Variants in RASL12 observed in about 807,000 individuals in gnomAD.
The protein encoded by RASL12 is RAS like family 12, also known as ras-like protein family member 12.
A neutral mutation model predicts 22.9 loss-of-function variants in RASL12; 16 were observed. That is an observed-to-expected ratio of 0.70 (90% CI 0.47 to 1.06). RASL12 has a LOEUF of 1.06. Among genes scored for constraint, RASL12 ranks in the 50% least tolerant of loss-of-function variants. RASL12 has a pLI of 0.00. For synonymous variants in RASL12, 159 were observed against 152.2 expected, an observed-to-expected ratio of 1.04 and a Z score of -0.33; for missense variants, 306 against 353.1, an observed-to-expected ratio of 0.87 and a Z score of 1.07.
At chr15:65,047,779 CAGAT>C in the RASL12 span, among the ~76,000 whole-genome samples, 90 of 141,942 alleles carry the variant, frequency 6.3e-4, no homozygotes, top group Non-Finnish European at 1.2e-3. Context: ...GATAGATAGA[CAGAT>C]AGATCGATAG....
chr15:65,070,986 T>G (rs1245116287), upstream of RASL12, among the ~76,000 whole-genome samples: 1 of 152,116 alleles, frequency 6.6e-6, no homozygotes, highest in Non-Finnish European at 1.5e-5. Flanking sequence ...CTCTTCCTCC[T>G]CTAGGTCCAG....
chr15:65,075,875 T>G (rs1325159673), intron 1 of RASL12, among the ~76,000 whole-genome samples: 1 of 152,054 alleles, frequency 6.6e-6, no homozygotes, highest in Non-Finnish European at 1.5e-5. Context: ...CAATCGGCAC[T>G]CTGTATCTAG....
chr15:65,054,178 C>A lies in RASL12; in HGVS notation c.*721G>T. The A allele has an allele frequency of 1.0e-6, 1 of 985,968 alleles. No homozygotes were observed. The highest frequency in any genetic ancestry group is 1.2e-6 in the Non-Finnish European group (1 of 829,994). 61.1% of individuals were successfully genotyped at this position (985,968 alleles called of 1,614,324 possible). On this transcript the variant is annotated 3_prime_UTR_variant, in exon 5 of 5. Transcript: ENST00000220062. ...ATGCTGAGGTTCTTTGGACAGAGTCCTTAACAGTGGGAAAACACATGGAGA... is the reference window on the plus strand; with the variant it reads ...ATGCTGAGGTTCTTTGGACAGAGTCATTAACAGTGGGAAAACACATGGAGA...
chr15:65,056,681 G>A (rs2086736088), intron 4 of RASL12, among the ~76,000 whole-genome samples: 1 of 152,174 alleles, frequency 6.6e-6, no homozygotes, highest in Non-Finnish European at 1.5e-5. Context: ...GGCTTGGGAA[G>A]CATCAACCTA....
downstream of RASL12, chr15:65,050,130 TG>T (rs2140506526): frequency 6.5e-7 from 1 of 1,531,068 alleles, no homozygotes; most frequent in Non-Finnish European, 8.9e-7. Context: ...ACGGCAGGGG[TG>T]GGGGTGTGCC....
intron 2 of RASL12, among the ~76,000 whole-genome samples, chr15:65,062,862 T>G (rs1353526451): frequency 2.6e-5 from 4 of 152,194 alleles, no homozygotes; most frequent in African/African-American, 9.6e-5. Flanking sequence ...CCGGAATGTT[T>G]AGGCCCCTCC....
upstream of RASL12, chr15:65,068,223 G>T (rs949488823): frequency 7.1e-6 from 7 of 990,382 alleles, no homozygotes; most frequent in African/African-American, 1.0e-4. The surrounding 1 kb of genome is among the most constrained non-coding windows in gnomAD (Gnocchi z 4.2). Context: ...CAGAGAAGGA[G>T]CCCCAGGGCT....
chr15:65,054,525 C>T lies in RASL12; in HGVS notation c.*374G>A, dbSNP rs1269156191. The T allele has an allele frequency of 2.9e-6, 3 of 1,029,376 alleles. No individual in the cohort carries two copies. The highest frequency in any genetic ancestry group is 5.2e-5 in the Admixed American group (1 of 19,328). The allele number at this position is 1,029,376 out of a possible 1,614,324, so 63.8% of individuals were successfully genotyped here. On this transcript the variant is annotated 3_prime_UTR_variant, in exon 5 of 5. Coordinates refer to ENST00000220062, the MANE Select transcript of RASL12 (RefSeq NM_016563.4). ...TCGGGCCTGACATTGACAGAGCCAT[C>T]CACCCAGACCATCCACTAAGGCCAC...
At chr15:65,064,073 C>G (rs2086846905) in intron 2 of RASL12, among the ~76,000 whole-genome samples, 1 of 152,162 alleles carries the variant, frequency 6.6e-6, no homozygotes, top group Non-Finnish European at 1.5e-5. Flanking sequence ...TCTCAGTGAA[C>G]AGTTTACAAT....
At chr15:65,052,675 G>A (rs757718013), downstream of RASL12, among the ~76,000 whole-genome samples, 6 of 152,128 alleles carry the variant, frequency 3.9e-5, no homozygotes, top group African/African-American at 7.2e-5. Flanking sequence ...GGGATTACAG[G>A]TGTGAGCCAC....
chr15:65,073,558 T>G (rs904961613), intron 1 of RASL12, among the ~76,000 whole-genome samples: 2 of 152,198 alleles, frequency 1.3e-5, no homozygotes, highest in African/African-American at 4.8e-5. Context: ...TAAATATAGA[T>G]GAAGCTTTGC....
intron 4 of RASL12, among the ~76,000 whole-genome samples, chr15:65,057,540 C>T (rs1379455863): frequency 1.3e-5 from 2 of 152,166 alleles, no homozygotes; most frequent in African/African-American, 4.8e-5. Context: ...GACACTATGC[C>T]AGCCAAGCAA....
rs1185112838 is a variant in RASL12 at position 65,054,954 on chromosome 15, TG to T, written c.745del (p.Gln249ArgfsTer9). On this transcript the variant is annotated frameshift_variant, in exon 5 of 5. Transcript: ENST00000220062. LOFTEE classifies it high-confidence loss of function. ...KLVTVKSSRA[Q>X]SKRKAPTLTL... is the part of the protein sequence containing the mutation. ...CAGGGTAGGCGCCTTGCGCTTGCTCTGGGCCCGGGATGACTTCACGGTGACC... is the reference window on the plus strand; with the variant it reads ...CAGGGTAGGCGCCTTGCGCTTGCTCTGGCCCGGGATGACTTCACGGTGACC... 6.2e-6 allele frequency: 10 copies of T among 1,614,080 alleles called. No homozygotes were observed. The highest frequency in any genetic ancestry group is 8.5e-6 in the Non-Finnish European group (10 of 1,180,032).
chr15:65,058,033 G>A (rs2086754540), intron 4 of RASL12, among the ~76,000 whole-genome samples: 1 of 152,200 alleles, frequency 6.6e-6, no homozygotes, highest in Admixed American at 6.5e-5. Flanking sequence ...CACTTTGGGA[G>A]GCTGAGGCAG....
chr15:65,064,312 A>T (rs1428249818), intron 2 of RASL12, among the ~76,000 whole-genome samples: 1 of 152,192 alleles, frequency 6.6e-6, no homozygotes, highest in Non-Finnish European at 1.5e-5. Context: ...TTTAATGCCC[A>T]TTTTACAGAT....
downstream of RASL12, among the ~76,000 whole-genome samples, chr15:65,052,470 G>A (rs1374356978): frequency 7.0e-6 from 1 of 143,546 alleles, no homozygotes; most frequent in Non-Finnish European, 1.5e-5. Context: ...GCACAATCTC[G>A]GCTCACTGCA....
chr15:65,055,560 G>T (rs1192418761), intron 4 of RASL12, among the ~76,000 whole-genome samples: 3 of 152,208 alleles, frequency 2.0e-5, no homozygotes, highest in Non-Finnish European at 1.5e-5. Flanking sequence ...ATTTTGGGAT[G>T]AGGGTAAGGG....
intron 1 of RASL12, among the ~76,000 whole-genome samples, chr15:65,073,275 T>A (rs2086944035): frequency 6.6e-6 from 1 of 152,184 alleles, no homozygotes; most frequent in Non-Finnish European, 1.5e-5. Flanking sequence ...CTATTATTAT[T>A]ATAACATATA....
intron 2 of RASL12, among the ~76,000 whole-genome samples, chr15:65,061,803 A>G (rs1334174611): frequency 2.0e-5 from 3 of 151,898 alleles, no homozygotes; most frequent in Non-Finnish European, 4.4e-5. Context: ...TAATCCCAGC[A>G]CTTTGGGAGG....
Sources: allele counts gnomAD v4.1 joint callset (sites outside exome capture counted in the v4.1 genomes callset), GRCh38; gene constraint gnomAD v4.1.1; non-coding constraint Gnocchi (gnomAD v3.1); transcripts MANE v1.5; gene names NCBI Gene and HGNC (gene_info 2026-07-23, HGNC 2026-07-21).